TCF7: variants seen among roughly 807,000 people sequenced by gnomAD.
TCF7 encodes the protein T-cell-factor-7.
Under a neutral mutation model 46.8 loss-of-function variants are expected in TCF7, and 19 were observed. That is an observed-to-expected ratio of 0.41 (90% CI 0.28 to 0.60). The LOEUF (loss-of-function observed/expected upper bound fraction) is 0.60, where lower values mean the gene tolerates loss of function less well. Ranked by LOEUF, TCF7 falls within the 20% of genes least tolerant of loss-of-function variation. The pLI, the probability that TCF7 is intolerant of heterozygous loss-of-function variation, is 0.35. For missense variants in TCF7, 547 were observed against 504.6 expected (o/e 1.08, Z -0.81); for synonymous variants, 245 against 213.4 (o/e 1.15, Z -1.29).
intron 3 of TCF7, among the ~76,000 whole-genome samples, chr5:134,116,954 G>A (rs1481931487): frequency 6.6e-6 from 1 of 152,250 alleles, no homozygotes; most frequent in African/African-American, 2.4e-5. Context: ...GCAGGCTGGA[G>A]GCTCGCATGG....
rs765318406 is a variant in TCF7, at chr5:134,138,936, T to TTC, written c.548-10_548-9dup. ...GGTCAGGCTAGCCCACTCACTCAGC[T>TTC]TCTCTCCTCTGCAGTTCACAGGCCT... On this transcript the variant is annotated splice_polypyrimidine_tract_variant and intron_variant, in intron 4 of 9. Coordinates refer to ENST00000342854, the MANE Select transcript of TCF7 (RefSeq NM_003202.5). 1.2e-6 allele frequency: 2 copies of TTC among 1,613,576 alleles called. No individual in the cohort carries two copies. Among genetic ancestry groups the TTC allele is most frequent in the Non-Finnish European group, 1.7e-6 (2 of 1,179,902 alleles).
At chr5:134,122,377 C>G (rs934506575) in intron 3 of TCF7, among the ~76,000 whole-genome samples, 73 of 152,142 alleles carry the variant, frequency 4.8e-4, no homozygotes, top group African/African-American at 1.7e-3. Flanking sequence ...ATCCTTCCCC[C>G]CAGGCTCTAC....
At chr5:134,124,168 G>A (rs1428822103) in intron 3 of TCF7, among the ~76,000 whole-genome samples, 2 of 152,258 alleles carry the variant, frequency 1.3e-5, no homozygotes, top group Middle Eastern at 3.4e-3. Context: ...AGGGTCCCAG[G>A]GGCTTTGGCA....
At chr5:134,115,265 CG>C (rs1161763562) in intron 1 of TCF7, 55 bp from the exon 2 acceptor site, 1 of 1,477,316 alleles carries the variant, frequency 6.8e-7, no homozygotes. Context: ...GCCCCGGCGT[CG>C]GCCCCGACCC....
At position 134,138,082 on chromosome 5, in the gene TCF7, C is replaced by A. The variant is rs561867522; in HGVS notation, c.465C>A (p.His155Gln). The A allele has an allele frequency of 6.2e-7, 1 of 1,606,498 alleles. No individual in the cohort carries two copies. The highest frequency in any genetic ancestry group is 8.5e-7 in the Non-Finnish European group (1 of 1,176,460). The change falls in exon 4 of 10, where the codon CAC (histidine) becomes CAA (glutamine). Residue 155 changes from histidine to glutamine, a missense_variant. Physicochemically the swap from His to Gln is conservative, Grantham distance 24. This residue lies in a region of TCF7 where 425 missense variants were observed against 349.9 expected (regional missense o/e 1.21). Transcript: ENST00000342854. ...AGCACAAGGCCAATCAGCCCCCCCA[C>A]GGTGTCCCCCAACTCTCTCTCTACG... ...PPLHKANQPP[H>Q]GVPQLSLYEH...
At position 134,143,004 on chromosome 5, in the gene TCF7, G is replaced by A. The variant is rs1412295015; in HGVS notation, c.930G>A (p.Leu310=). 1 of 1,613,052 alleles carries A rather than the reference G, an allele frequency of 6.2e-7. No homozygotes were observed. Among genetic ancestry groups the A allele is most frequent in the Non-Finnish European group, 8.5e-7 (1 of 1,179,506 alleles). The part of the protein sequence containing the change: ...NQILGRRWHA[L]SREEQAKYYE... ...CTTCCCTGTTGCAGTGGCACGCGCTGTCGCGAGAAGAGCAGGCCAAGTACT... is the reference window on the plus strand; with the variant it reads ...CTTCCCTGTTGCAGTGGCACGCGCTATCGCGAGAAGAGCAGGCCAAGTACT... Residue 310 remains leucine (L), a synonymous_variant, in exon 8 of 10, where the codon CTG becomes CTA. Transcript: ENST00000342854.
intron 4 of TCF7, 153 bp downstream of exon 4, chr5:134,138,317 T>G: frequency 1.5e-6 from 1 of 666,092 alleles, no homozygotes; most frequent in South Asian, 2.1e-5. Flanking sequence ...AAAGATGGAC[T>G]GGGGGTATAA....
At chr5:134,113,241 C>T (rs976722920), upstream of TCF7, among the ~76,000 whole-genome samples, 22 of 152,334 alleles carry the variant, frequency 1.4e-4, no homozygotes, top group East Asian at 5.8e-4. Context: ...GCTGAGCACT[C>T]GTGCCCATGC....
intron 3 of TCF7, among the ~76,000 whole-genome samples, chr5:134,135,932 G>T (rs1036733343): frequency 1.3e-5 from 2 of 152,250 alleles, no homozygotes; most frequent in Non-Finnish European, 2.9e-5. Context: ...GAAACCAATT[G>T]TGTCTGATGC....
intron 3 of TCF7, chr5:134,123,617 C>A: frequency 2.2e-6 from 1 of 449,140 alleles, no homozygotes; most frequent in Non-Finnish European, 4.5e-6. Context: ...AGCAGAGGGG[C>A]AGACAGAGGC....
At chr5:134,110,717 A>G (rs1755316853), upstream of TCF7, among the ~76,000 whole-genome samples, 1 of 152,212 alleles carries the variant, frequency 6.6e-6, no homozygotes, top group African/African-American at 2.4e-5. Flanking sequence ...CGCCGCTCAC[A>G]ACCTCTCCTT....
upstream of TCF7, among the ~76,000 whole-genome samples, chr5:134,112,859 C>T (rs1305493199): frequency 6.6e-6 from 1 of 152,200 alleles, no homozygotes; most frequent in Non-Finnish European, 1.5e-5. Context: ...CTGGAGAACA[C>T]TTCAGCCTCC....
chr5:134,114,857 C>T lies in TCF7; in HGVS notation c.-50C>T, dbSNP rs953771789. The stretch of plus-strand genomic sequence containing the variant: ...GCCGCCCCCCGGGCCGGCTCCGCGC[C>T]CCGCACTCCCGGCGCCCAGCGCCCC... On this transcript the variant is annotated 5_prime_UTR_variant, in exon 1 of 10. Coordinates refer to ENST00000342854, the MANE Select transcript of TCF7 (RefSeq NM_003202.5). The T allele has an allele frequency of 5.0e-5, 49 of 982,888 alleles. No homozygotes were observed. Among genetic ancestry groups the T allele is most frequent in the Non-Finnish European group, 5.5e-5 (46 of 829,850 alleles). The allele number at this position is 982,888 out of a possible 1,614,324, so 60.9% of individuals were successfully genotyped here. A position where few individuals can be genotyped will look rare whatever the true frequency, so the allele number is the denominator to read the frequency against.
upstream of TCF7, among the ~76,000 whole-genome samples, chr5:134,113,795 G>C (rs1450781412): frequency 1.3e-5 from 2 of 152,256 alleles, no homozygotes; most frequent in African/African-American, 2.4e-5. Context: ...GATCGAGCGA[G>C]GGTTAGAGGG....
rs377259033 is a variant in TCF7 at position 134,143,627 on chromosome 5, A to G, written c.1062A>G (p.Gln354=). Reference sequence around the variant, plus strand: ...AGAGGCGGTCGAGGGAAAAGCACCAAGAATCCACCACAGGTGAGACCTTCT... The same window carrying G: ...AGAGGCGGTCGAGGGAAAAGCACCAGGAATCCACCACAGGTGAGACCTTCT... ...KKKRRSREKH[Q]ESTTGGKRNA... The change falls in exon 9 of 10, where the codon CAA becomes CAG. Residue 354 remains glutamine (Q), a synonymous_variant. Transcript: ENST00000342854. 1.9e-5 allele frequency: 30 copies of G among 1,613,926 alleles called. No individual in the cohort carries two copies. The highest frequency in any genetic ancestry group is 2.5e-5 in the Non-Finnish European group (30 of 1,180,008).
rs949858622 is a variant in TCF7, at chr5:134,116,046, C to T, written c.441+13C>T. 1.6e-5 allele frequency: 25 copies of T among 1,608,210 alleles called. No homozygotes were observed. The highest frequency in any genetic ancestry group is 1.9e-5 in the Non-Finnish European group (22 of 1,177,508). ...GCAGCCCCCGCTGGTAAGTGGACCC[C>T]GCAGCCAGTGCCGCCCTGTGCTTGC... On this transcript the variant is annotated intron_variant, in intron 3 of 9. Transcript: ENST00000342854.
intron 3 of TCF7, among the ~76,000 whole-genome samples, chr5:134,135,157 G>A (rs531081191): frequency 4.6e-5 from 7 of 152,160 alleles, no homozygotes; most frequent in South Asian, 2.1e-4. Context: ...ACAAGGTCTC[G>A]CTATGTTGCC....
chr5:134,127,667 C>T (rs1757518609), intron 3 of TCF7, among the ~76,000 whole-genome samples: 1 of 152,234 alleles, frequency 6.6e-6, no homozygotes, highest in Non-Finnish European at 1.5e-5. Flanking sequence ...GGAACCAGAG[C>T]CGCTGCCAGC....
chr5:134,140,854 GC>G, intron 5 of TCF7: 1 of 446,876 alleles, frequency 2.2e-6, no homozygotes. Context: ...GCACTTCCCT[GC>G]CCCCACTGCA....
Sources: gnomAD v4.1 joint callset for allele counts (sites outside exome capture counted in the v4.1 genomes callset) on GRCh38, gnomAD v4.1.1 for gene constraint, gnomAD v4.1.1 regional missense constraint, MANE v1.5 for transcripts, NCBI Gene and HGNC (gene_info 2026-07-23, HGNC 2026-07-21) for gene names.